MECOM: variants seen among roughly 807,000 people sequenced by gnomAD.
The protein encoded by MECOM is histone-lysine N-methyltransferase MECOM.
A neutral mutation model predicts 116.3 loss-of-function variants in MECOM; 13 were observed. The ratio of observed to expected loss-of-function variants is 0.11; its 90% CI spans 0.07 to 0.18. The LOEUF (loss-of-function observed/expected upper bound fraction) is 0.18. Ranked by LOEUF, MECOM falls within the 10% of genes least tolerant of loss-of-function variation. The probability of loss-of-function intolerance (pLI) is 1.00; values close to 1 mark genes in which losing one functional copy is unlikely to be tolerated. For missense variants in MECOM, 1,299 were observed against 1,509.0 expected (o/e 0.86, Z 2.31); for synonymous variants, 528 against 535.2 (o/e 0.99, Z 0.19).
chr3:169,128,106 C>A, intron 4 of MECOM, 46 bp from the exon 5 acceptor site: 1 of 1,563,122 alleles, frequency 6.4e-7, no homozygotes, highest in South Asian at 1.1e-5. Flanking sequence ...CAGGAATTGC[C>A]ATCACAAACC....
intron 1 of MECOM, among the ~76,000 whole-genome samples, chr3:169,641,427 G>GGCT (rs141241839): frequency 0.01 from 1,530 of 152,248 alleles, 29 homozygotes; most frequent in African/African-American, 0.035. Flanking sequence ...ACCCTCTGAT[G>GGCT]GCTCTGGCTT....
intron 1 of MECOM, among the ~76,000 whole-genome samples, chr3:169,543,019 T>C (rs1218354318): frequency 6.6e-6 from 1 of 152,222 alleles, no homozygotes; most frequent in Non-Finnish European, 1.5e-5. Flanking sequence ...TATTTGAAAT[T>C]GGGATCATTC....
chr3:169,158,521 T>G (rs1183234805), intron 2 of MECOM, among the ~76,000 whole-genome samples: 3 of 152,132 alleles, frequency 2.0e-5, no homozygotes, highest in East Asian at 3.9e-4. Flanking sequence ...TCAAATGCCT[T>G]TTGTACTATG....
chr3:169,151,999 A>C (rs1359437898), intron 2 of MECOM, among the ~76,000 whole-genome samples: 1 of 152,024 alleles, frequency 6.6e-6, no homozygotes, highest in Admixed American at 6.6e-5. Context: ...CTAAGGTGAT[A>C]TTCTGTTTAA....
intron 1 of MECOM, among the ~76,000 whole-genome samples, chr3:169,622,942 A>G (rs1770931075): frequency 6.6e-6 from 1 of 152,246 alleles, no homozygotes; most frequent in African/African-American, 2.4e-5. Context: ...TTTCAGGTTG[A>G]GATTTACTGA....
At chr3:169,207,589 C>T (rs1028297023) in intron 2 of MECOM, among the ~76,000 whole-genome samples, 7 of 152,122 alleles carry the variant, frequency 4.6e-5, no homozygotes, top group Non-Finnish European at 8.8e-5. Context: ...CATATAAGTA[C>T]ATATGTGTAT....
intron 1 of MECOM, among the ~76,000 whole-genome samples, chr3:169,399,071 T>C (rs1387888668): frequency 2.6e-5 from 4 of 152,158 alleles, no homozygotes; most frequent in African/African-American, 7.2e-5. Context: ...CTTTTGTCAA[T>C]TGCCTGTTGC....
chr3:169,569,571 T>C (rs1167809069), intron 1 of MECOM, among the ~76,000 whole-genome samples: 1 of 152,098 alleles, frequency 6.6e-6, no homozygotes, highest in Non-Finnish European at 1.5e-5. Flanking sequence ...AAATTGACCA[T>C]GTAATTGGAA....
chr3:169,118,803 A>G (rs1350878142), intron 7 of MECOM, among the ~76,000 whole-genome samples: 1 of 152,032 alleles, frequency 6.6e-6, no homozygotes, highest in East Asian at 1.9e-4. Flanking sequence ...CCGTTGTTAC[A>G]TGGCTGAGTG....
chr3:169,167,196 T>A (rs919367836), intron 2 of MECOM, among the ~76,000 whole-genome samples: 2 of 152,184 alleles, frequency 1.3e-5, no homozygotes, highest in African/African-American at 4.8e-5. Flanking sequence ...TAGGTTGTTA[T>A]TTATTGTTTG....
At chr3:169,186,400 GGGA>G (rs1746773896) in intron 2 of MECOM, among the ~76,000 whole-genome samples, 2 of 115,188 alleles carry the variant, frequency 1.7e-5, no homozygotes, top group African/African-American at 6.5e-5. Context: ...GAGGGAGGGA[GGGA>G]GGGAGGGAGG....
chr3:169,379,772 A>G (rs1732093319), intron 2 of MECOM, among the ~76,000 whole-genome samples: 1 of 152,138 alleles, frequency 6.6e-6, no homozygotes. Context: ...TTAATGAGTT[A>G]CTTATTATTA....
intron 2 of MECOM, among the ~76,000 whole-genome samples, chr3:169,180,596 G>A (rs1405632818): frequency 2.0e-5 from 3 of 151,722 alleles, no homozygotes; most frequent in Admixed American, 6.6e-5. Flanking sequence ...AAGATCCTGA[G>A]TATTTGAGTT....
intron 1 of MECOM, among the ~76,000 whole-genome samples, chr3:169,563,586 T>C (rs1473440054): frequency 6.6e-6 from 1 of 152,154 alleles, no homozygotes; most frequent in African/African-American, 2.4e-5. Flanking sequence ...TACTGAAAGA[T>C]TGACCCTCCT....
chr3:169,202,067 A>G (rs1186029387), intron 2 of MECOM, among the ~76,000 whole-genome samples: 2 of 152,076 alleles, frequency 1.3e-5, no homozygotes, highest in Non-Finnish European at 2.9e-5. Context: ...GTGGGATCCA[A>G]GCTTTTGTGG....
At chr3:169,237,467 C>T (rs577102925) in intron 2 of MECOM, among the ~76,000 whole-genome samples, 2 of 152,154 alleles carry the variant, frequency 1.3e-5, no homozygotes, top group African/African-American at 4.8e-5. Context: ...CACTCATTCT[C>T]CACTACAGTT....
intron 1 of MECOM, among the ~76,000 whole-genome samples, chr3:169,606,104 C>T (rs1237863259): frequency 6.6e-6 from 1 of 152,084 alleles, no homozygotes; most frequent in Non-Finnish European, 1.5e-5. Flanking sequence ...AAGTGGTATC[C>T]ACTACTTTGA....
chr3:169,478,239 T>C (rs1315427349), intron 1 of MECOM, among the ~76,000 whole-genome samples: 1 of 152,220 alleles, frequency 6.6e-6, no homozygotes, highest in Non-Finnish European at 1.5e-5. Flanking sequence ...GTATCATTAA[T>C]GTCATTCCAT....
chr3:169,645,815 G>T (rs1360369770), intron 1 of MECOM, among the ~76,000 whole-genome samples: 1 of 152,136 alleles, frequency 6.6e-6, no homozygotes, highest in African/African-American at 2.4e-5. Flanking sequence ...TCTCCCTATT[G>T]TTTAATCAAA....
Sources: gnomAD v4.1 joint callset for allele counts (sites outside exome capture counted in the v4.1 genomes callset) on GRCh38, gnomAD v4.1.1 for gene constraint, MANE v1.5 for transcripts, NCBI Gene and HGNC (gene_info 2026-07-23, HGNC 2026-07-21) for gene names.